GSE1: variants seen among roughly 807,000 people sequenced by gnomAD.
The protein encoded by GSE1 is genetic suppressor element 1.
A neutral mutation model predicts 112.6 loss-of-function variants in GSE1; 32 were observed. The observed-to-expected ratio is 0.28, with a 90% CI of 0.21 to 0.38. GSE1 has a LOEUF of 0.38. Among genes scored for constraint, GSE1 ranks in the 10% least tolerant of loss-of-function variants. The pLI, the probability that GSE1 is intolerant of heterozygous loss-of-function variation, is 1.00. For synonymous variants in GSE1, 1,115 were observed against 735.6 expected, an observed-to-expected ratio of 1.52 and a Z score of -8.35; for missense variants, 2,348 against 1,699.2, an observed-to-expected ratio of 1.38 and a Z score of -6.71.
intron 2 of GSE1, among the ~76,000 whole-genome samples, chr16:85,361,388 C>G (rs1567712056): frequency 6.6e-6 from 1 of 151,490 alleles, no homozygotes; most frequent in African/African-American, 2.4e-5. Flanking sequence ...CCCCCCCACA[C>G]ACAAACACAC....
intron 1 of GSE1, among the ~76,000 whole-genome samples, chr16:85,627,149 G>A (rs1231191543): frequency 8.7e-6 from 1 of 115,566 alleles, no homozygotes; most frequent in Non-Finnish European, 1.7e-5. Context: ...TTCAAGAAGC[G>A]GTGCTTTGTT....
chr16:85,654,698 A>G, intron 4 of GSE1, 96 bp from the exon 5 acceptor site: 1 of 829,722 alleles, frequency 1.2e-6, no homozygotes, highest in Non-Finnish European at 2.0e-6. Flanking sequence ...GTGCCGACTG[A>G]GCGCCAGGGG....
chr16:85,672,288 C>A, intron 15 of GSE1, 117 bp from the exon 16 acceptor site: 1 of 763,282 alleles, frequency 1.3e-6, no homozygotes, highest in Non-Finnish European at 2.2e-6. Flanking sequence ...AGCCACCACG[C>A]CCGGCCGGGA....
intron 2 of GSE1, among the ~76,000 whole-genome samples, chr16:85,394,696 A>C (rs2047927862): frequency 6.6e-6 from 1 of 151,888 alleles, no homozygotes; most frequent in Admixed American, 6.6e-5. Flanking sequence ...ATATTAGCTC[A>C]TTTGTCTTAG....
chr16:85,490,413 C>A (rs528572899), intron 2 of GSE1: 2 of 152,252 alleles, frequency 1.3e-5, no homozygotes, highest in African/African-American at 4.8e-5. Flanking sequence ...AGGTGATGTC[C>A]GCAGAAGCGC....
At chr16:85,583,852 C>T (rs1598277179) in intron 1 of GSE1, among the ~76,000 whole-genome samples, 1 of 152,206 alleles carries the variant, frequency 6.6e-6, no homozygotes, top group East Asian at 1.9e-4. Context: ...GCCTCCCCGG[C>T]GGCCTCTGCT....
chr16:85,509,305 G>A (rs1000025841), intron 2 of GSE1, among the ~76,000 whole-genome samples: 2 of 152,198 alleles, frequency 1.3e-5, no homozygotes, highest in Non-Finnish European at 2.9e-5. Flanking sequence ...CAGTGTTGGT[G>A]GGGGACCGGG....
At chr16:85,670,279 GTGC>G (rs2053223743) in intron 14 of GSE1, among the ~76,000 whole-genome samples, 1 of 152,188 alleles carries the variant, frequency 6.6e-6, no homozygotes, top group Non-Finnish European at 1.5e-5. Context: ...TGTCACTCCA[GTGC>G]TGCCAAAGAG....
At chr16:85,472,603 C>T (rs953001915) in intron 2 of GSE1, among the ~76,000 whole-genome samples, 1 of 152,200 alleles carries the variant, frequency 6.6e-6, no homozygotes, top group African/African-American at 2.4e-5. Flanking sequence ...GGAGGCATAG[C>T]GCAGCCCGGC....
chr16:85,462,314 G>C (rs2049989661), intron 2 of GSE1, among the ~76,000 whole-genome samples: 6 of 152,122 alleles, frequency 3.9e-5, no homozygotes, highest in African/African-American at 1.2e-4. Context: ...GGTGTCCTGT[G>C]GCCGCCACCT....
chr16:85,445,395 GC>G (rs1479219835), intron 2 of GSE1, among the ~76,000 whole-genome samples: 1 of 152,208 alleles, frequency 6.6e-6, no homozygotes, highest in African/African-American at 2.4e-5. Context: ...GGAAAGGTGG[GC>G]TGGACCAGCC....
chr16:85,485,404 T>A (rs1411583365), intron 2 of GSE1, among the ~76,000 whole-genome samples: 1 of 152,144 alleles, frequency 6.6e-6, no homozygotes, highest in Admixed American at 6.5e-5. Flanking sequence ...CCTGTCCTCC[T>A]CCTCTTCCTC....
chr16:85,520,714 C>T (rs116891488), intron 2 of GSE1, among the ~76,000 whole-genome samples: 4,013 of 152,276 alleles, frequency 0.026, 91 homozygotes, highest in South Asian at 0.1. Flanking sequence ...TGAGCCACCG[C>T]GCCTAGCCCC....
At chr16:85,540,720 G>A (rs1598113539) in intron 2 of GSE1, among the ~76,000 whole-genome samples, 1 of 152,122 alleles carries the variant, frequency 6.6e-6, no homozygotes, top group East Asian at 1.9e-4. Flanking sequence ...TTTGAGACCA[G>A]CCTGAGCAAC....
chr16:85,557,410 G>A (rs2045287433), intron 1 of GSE1, among the ~76,000 whole-genome samples: 1 of 152,160 alleles, frequency 6.6e-6, no homozygotes, highest in South Asian at 2.1e-4. Context: ...GTGTGTGTGG[G>A]TGGGGAGGGT....
intron 2 of GSE1, among the ~76,000 whole-genome samples, chr16:85,550,178 G>A (rs909949265): frequency 6.6e-6 from 1 of 152,164 alleles, no homozygotes; most frequent in Non-Finnish European, 1.5e-5. Context: ...CACACAGAGG[G>A]TGGGGGCGAG....
chr16:85,643,539 C>G (rs2050616626), intron 2 of GSE1, among the ~76,000 whole-genome samples: 1 of 152,160 alleles, frequency 6.6e-6, no homozygotes. Flanking sequence ...AAACGAGGCT[C>G]ATTCAGAGAC....
intron 1 of GSE1, among the ~76,000 whole-genome samples, chr16:85,622,657 A>C (rs1447093058): frequency 6.6e-6 from 1 of 152,146 alleles, no homozygotes; most frequent in African/African-American, 2.4e-5. Flanking sequence ...GCAAAGGCGG[A>C]TGTAACTGTT....
intron 2 of GSE1, among the ~76,000 whole-genome samples, chr16:85,437,291 G>C (rs1156304542): frequency 3.3e-5 from 5 of 152,286 alleles, no homozygotes; most frequent in Non-Finnish European, 7.4e-5. Flanking sequence ...AAAAGAAGTG[G>C]GGGAGGGGCG....
Sources: gnomAD v4.1 joint callset for allele counts (sites outside exome capture counted in the v4.1 genomes callset) on GRCh38, gnomAD v4.1.1 for gene constraint, MANE v1.5 for transcripts, NCBI Gene and HGNC (gene_info 2026-07-23, HGNC 2026-07-21) for gene names.